Variants in ZFYVE16 observed in about 807,000 individuals in gnomAD.
ZFYVE16 encodes zinc finger FYVE domain-containing protein 16.
Under a neutral mutation model 138.1 loss-of-function variants are expected in ZFYVE16, and 89 were observed. The ratio of observed to expected loss-of-function variants is 0.64; its 90% CI spans 0.54 to 0.77. The LOEUF is 0.77. Ranked by LOEUF, ZFYVE16 falls within the 30% of genes least tolerant of loss-of-function variation. The probability of loss-of-function intolerance (pLI) is 0.00; values close to 1 mark genes in which losing one functional copy is unlikely to be tolerated. For missense variants in ZFYVE16, 1,793 were observed against 1,786.7 expected, an observed-to-expected ratio of 1.00 and a Z score of -0.06; for synonymous variants, 596 against 618.3, an observed-to-expected ratio of 0.96 and a Z score of 0.53.
At position 80,477,418 on chromosome 5, in the gene ZFYVE16, TAAAAC is replaced by T; in HGVS notation, c.*42_*46del. On this transcript the variant is annotated 3_prime_UTR_variant, in exon 19 of 19. Transcript: ENST00000505560. ...TATTACATATTGCAACCTAATTTGT[TAAAAC>T]TAACTCCAGCACTAAAGCTGAAATG... 2 of 1,563,718 alleles carry T rather than the reference TAAAAC, an allele frequency of 1.3e-6. No individual in the cohort carries two copies. Among genetic ancestry groups the T allele is most frequent in the South Asian group, 1.2e-5 (1 of 84,880 alleles).
At position 80,436,923 on chromosome 5, in the gene ZFYVE16, C is replaced by G; in HGVS notation, c.238C>G (p.Leu80Val). The change falls in exon 4 of 19, where the codon CTG becomes GTG. Residue 80 changes from leucine to valine, a missense_variant. By Grantham distance (32) the Leu-to-Val change is conservative. Transcript: ENST00000505560. ...AAGCTATGGAACAAATGAGAGTTCC[C>G]TGAATGAAAAAACACTCAAGGGACT... Reference protein sequence around the residue: ...ETSYGTNESSLNEKTLKGLTS... With the variant: ...ETSYGTNESSVNEKTLKGLTS... 6.2e-7 allele frequency: 1 copy of G among 1,613,928 alleles called. No individual in the cohort carries two copies.
chr5:80,442,690 G>A (rs566416945), intron 5 of ZFYVE16, among the ~76,000 whole-genome samples: 3 of 152,254 alleles, frequency 2.0e-5, no homozygotes, highest in South Asian at 2.1e-4. Flanking sequence ...ATTATGTTGG[G>A]TCTTGTGAGC....
At chr5:80,412,150 C>T (rs542149516) in intron 1 of ZFYVE16, among the ~76,000 whole-genome samples, 8 of 152,102 alleles carry the variant, frequency 5.3e-5, no homozygotes, top group South Asian at 4.1e-4. Context: ...TATCTCAGCT[C>T]AGGCCTTCAT....
chr5:80,437,866 G>T lies in ZFYVE16; in HGVS notation c.1181G>T (p.Arg394Leu), dbSNP rs113151211. ...GGATCATTAATTGAAAGTAAAGCAC[G>T]GGGTGATTTTTTACCTCAGCATGAA... is the stretch of plus-strand genomic sequence containing the variant. The part of the protein sequence containing the change: ...MCGSLIESKA[R>L]GDFLPQHEHK... The change falls in exon 4 of 19, where the codon CGG becomes CTG. Residue 394 changes from arginine (R) to leucine (L), a missense_variant. Arg to Leu is a moderately radical substitution (Grantham distance 102). Around this residue, in one of 2 missense-constraint regions of ZFYVE16, gnomAD observed 1,295 missense variants for 1,204.3 expected, o/e 1.08. Coordinates refer to ENST00000505560, the MANE Select transcript of ZFYVE16 (RefSeq NM_001284236.3). 27 of 1,613,792 alleles carry T rather than the reference G, an allele frequency of 1.7e-5. No individual in the cohort carries two copies. In the African/African-American group the frequency reaches 3.6e-4, roughly 22 times the overall value.
intron 2 of ZFYVE16, among the ~76,000 whole-genome samples, chr5:80,431,550 C>T (rs988977470): frequency 6.6e-6 from 1 of 152,186 alleles, no homozygotes; most frequent in African/African-American, 2.4e-5. Context: ...GCCTTTCTCA[C>T]CACTCCTATT....
rs1204776660 is a variant in ZFYVE16, at chr5:80,416,260, T to TG, written c.-94+8107_-94+8108insG. Among the ~76,000 whole-genome samples the TG allele has an allele frequency of 8.6e-3, 1,221 of 142,680 alleles. 17 individuals are homozygous for TG. Among genetic ancestry groups the TG allele is most frequent in the African/African-American group, 0.031 (1,190 of 38,544 alleles). The allele number at this position is 142,680 out of a possible 152,430, so 93.6% of individuals were successfully genotyped here. On this transcript the variant is annotated intron_variant, in intron 1 of 18. Coordinates refer to ENST00000505560, the MANE Select transcript of ZFYVE16 (RefSeq NM_001284236.3). ...ATGAATACATAGATTTTTTTTTTTTTTTTTTTTTTTTTTGAGACAAAGTCT... is the reference window on the plus strand; with the variant it reads ...ATGAATACATAGATTTTTTTTTTTTTGTTTTTTTTTTTTTGAGACAAAGTCT...
At chr5:80,455,144 A>G (rs1752391020) in intron 11 of ZFYVE16, 1 of 152,808 alleles carries the variant, frequency 6.5e-6, no homozygotes, top group Non-Finnish European at 1.5e-5. Context: ...GTATAGACAC[A>G]CTCCATTAGG....
chr5:80,459,391 T>C (rs1459250407), intron 14 of ZFYVE16, 23 bp from the exon 15 acceptor site: 3 of 1,604,580 alleles, frequency 1.9e-6, no homozygotes, highest in Non-Finnish European at 2.6e-6. Context: ...TTAAAACAAA[T>C]AATTGTTGTA....
Position 80,449,607 on chromosome 5 carries a change from A to T in ZFYVE16, c.3120A>T (p.Glu1040Asp), listed in dbSNP as rs1177143314. 1 of 1,609,164 alleles carries T rather than the reference A, an allele frequency of 6.2e-7. No homozygotes were observed. Among genetic ancestry groups the T allele is most frequent in the South Asian group, 1.1e-5 (1 of 90,158 alleles). The change falls in exon 9 of 19, where the codon GAA becomes GAT. Residue 1040 changes from glutamate (E) to aspartate (D), a missense_variant. By Grantham distance (45) the Glu-to-Asp change is conservative. Transcript: ENST00000505560. ...ATCATTTAGTGCCTGTAGTAGAAGA[A>T]CATCCATCTCATGAGCAGATCATTT... ...GEKGSVPVVE[E>D]HPSHEQIILL...
Position 80,422,903 on chromosome 5 carries a change from A to G in ZFYVE16, c.-93-4589A>G, listed in dbSNP as rs75087583. ...ATTGGTCATGATGTATAATTTTTCAATACATTGTTGGATTCAATTTGGCAC... is the reference window on the plus strand; with the variant it reads ...ATTGGTCATGATGTATAATTTTTCAGTACATTGTTGGATTCAATTTGGCAC... On this transcript the variant is annotated intron_variant, in intron 1 of 18. Coordinates refer to ENST00000505560, the MANE Select transcript of ZFYVE16 (RefSeq NM_001284236.3). 8.2e-3 allele frequency among the ~76,000 whole-genome samples: 1,245 copies of G among 152,262 alleles called. 19 individuals are homozygous for G. The highest frequency in any genetic ancestry group is 0.027 in the African/African-American group (1,134 of 41,528).
At position 80,481,874 on chromosome 5, in the gene ZFYVE16, C is replaced by T. The variant is rs1281354105; in HGVS notation, c.*4497C>T. Among the ~76,000 whole-genome samples, 2 of 152,126 alleles carry T rather than the reference C, an allele frequency of 1.3e-5. No individual in the cohort carries two copies. ...AGTCTCTATCACCCAGGCTAGAGTG[C>T]AGTGATACAATCTTGGCTCACTGCA... On this transcript the variant is annotated 3_prime_UTR_variant, in exon 19 of 19. Coordinates refer to ENST00000505560, the MANE Select transcript of ZFYVE16 (RefSeq NM_001284236.3).
rs550364629 is a variant in ZFYVE16, at chr5:80,479,337, G to C, written c.*1960G>C. ...ATTTTGAAATATGAAGTAAAATCTA[G>C]CCCATTTGTTTTATGCAGCTATTCA... On this transcript the variant is annotated 3_prime_UTR_variant, in exon 19 of 19. Coordinates refer to ENST00000505560, the MANE Select transcript of ZFYVE16 (RefSeq NM_001284236.3). The C allele has an allele frequency of 6.6e-6, 1 of 152,188 alleles. No homozygotes were observed. The highest frequency in any genetic ancestry group is 2.4e-5 in the African/African-American group (1 of 41,540). The allele number at this position is 152,188 out of a possible 1,614,324, so 9.4% of individuals were successfully genotyped here. A position where few individuals can be genotyped will look rare whatever the true frequency, so the allele number is the denominator to read the frequency against.
Position 80,432,182 on chromosome 5 carries a change from C to G in ZFYVE16, c.-39-1927C>G, listed in dbSNP as rs549871841. Among the ~76,000 whole-genome samples, 948 of 152,304 alleles carry G rather than the reference C, an allele frequency of 6.2e-3. 9 individuals are homozygous for G. The highest frequency in any genetic ancestry group is 0.021 in the African/African-American group (876 of 41,560). On this transcript the variant is annotated intron_variant, in intron 2 of 18. Coordinates refer to ENST00000505560, the MANE Select transcript of ZFYVE16 (RefSeq NM_001284236.3). ...AGGCATCACGCTACCTGACTTCAAA[C>G]TATACTACAAGGCTACAGTAACCAA... is the stretch of plus-strand genomic sequence containing the variant.
intron 7 of ZFYVE16, among the ~76,000 whole-genome samples, chr5:80,445,798 G>T (rs1751268943): frequency 1.3e-5 from 2 of 149,252 alleles, no homozygotes; most frequent in African/African-American, 2.5e-5. Context: ...TCACTATTTT[G>T]CCCAGGCTGG....
At chr5:80,408,829 T>C (rs1243554507) in intron 1 of ZFYVE16, among the ~76,000 whole-genome samples, 1 of 152,252 alleles carries the variant, frequency 6.6e-6, no homozygotes, top group Non-Finnish European at 1.5e-5. Context: ...AGTCCATACA[T>C]TTGATATTAA....
At chr5:80,439,154 T>A in intron 4 of ZFYVE16, 147 bp downstream of exon 4, 1 of 871,594 alleles carries the variant, frequency 1.1e-6, no homozygotes, top group Non-Finnish European at 1.7e-6. Context: ...GGGAAATATA[T>A]AAAGCAGTGT....
chr5:80,438,086 T>C lies in ZFYVE16; in HGVS notation c.1401T>C (p.Ser467=). ...DPDQTVIRAE[S]LDGGDTSSTV... ...ACCAGACAGTAATCAGAGCTGAGTC[T>C]TTGGATGGTGGTGACACCAGTTCTA... Residue 467 remains serine (S), a synonymous_variant, in exon 4 of 19, where the codon TCT becomes TCC. Coordinates refer to ENST00000505560, the MANE Select transcript of ZFYVE16 (RefSeq NM_001284236.3). 6.2e-7 allele frequency: 1 copy of C among 1,614,100 alleles called. No homozygotes were observed. The highest frequency in any genetic ancestry group is 8.5e-7 in the Non-Finnish European group (1 of 1,179,986).
At chr5:80,467,349 T>C (rs911033586) in intron 15 of ZFYVE16, among the ~76,000 whole-genome samples, 1 of 152,188 alleles carries the variant, frequency 6.6e-6, no homozygotes. Context: ...CCACCTCAGA[T>C]TGACCTTGAG....
chr5:80,472,984 CCT>C, intron 16 of ZFYVE16, 61 bp downstream of exon 16: 1 of 1,362,440 alleles, frequency 7.3e-7, no homozygotes, highest in Non-Finnish European at 9.8e-7. Context: ...ATTAAAATAT[CCT>C]ATTAATAAAA....
Sources: allele counts gnomAD v4.1 joint callset (sites outside exome capture counted in the v4.1 genomes callset), GRCh38; gene constraint gnomAD v4.1.1; regional missense constraint gnomAD v4.1.1; transcripts MANE v1.5; gene names NCBI Gene and HGNC (gene_info 2026-07-23, HGNC 2026-07-21).